The following FAT3 variants were observed in gnomAD, a reference collection of about 807,000 sequenced individuals.
The protein encoded by FAT3 is protocadherin Fat 3.
A neutral mutation model predicts 310.2 loss-of-function variants in FAT3; 95 were observed. The ratio of observed to expected loss-of-function variants is 0.31; its 90% CI spans 0.26 to 0.36. The LOEUF is 0.36. Ranked by LOEUF, FAT3 falls within the 10% of genes least tolerant of loss-of-function variation. The pLI is 1.00. For synonymous variants in FAT3, 2,314 were observed against 2,192.9 expected (o/e 1.06, Z -1.54); for missense variants, 5,408 against 5,715.6 (o/e 0.95, Z 1.74).
chr11:92,810,083 C>G lies in FAT3; in HGVS notation c.9481+7C>G. The G allele has an allele frequency of 6.2e-7, 1 of 1,611,706 alleles. No individual in the cohort carries two copies. The highest frequency in any genetic ancestry group is 1.3e-5 in the African/African-American group (1 of 75,012). On this transcript the variant is annotated splice_region_variant and intron_variant, in intron 13 of 27. Coordinates refer to ENST00000525166, the MANE Select transcript of FAT3 (RefSeq NM_001367949.2). ...GCCGTGGACCCCGACATTGGTAAGTCAGTTGCAGGCATCTCCCTGTCACAC... is the reference window on the plus strand; with the variant it reads ...GCCGTGGACCCCGACATTGGTAAGTGAGTTGCAGGCATCTCCCTGTCACAC...
rs796106709 is a variant in FAT3 at position 92,488,450 on chromosome 11, G to GCCCCCCCCCCCCCCCCCCCCCCCCCCC, written c.3293-36173_3293-36172insCCCCCCCCCCCCCCCCCCCCCCCCCCC. On this transcript the variant is annotated intron_variant, in intron 2 of 27. Transcript: ENST00000525166. ...TACACAGAAATAAATAACTAGCACC[G>GCCCCCCCCCCCCCCCCCCCCCCCCCCC]CCCCCCCCCCCGCCCCCCAACCAGC... is the stretch of plus-strand genomic sequence containing the variant. Among the ~76,000 whole-genome samples the GCCCCCCCCCCCCCCCCCCCCCCCCCCC allele has an allele frequency of 6.4e-4, 6 of 9,366 alleles. 1 individual carries two copies. Among genetic ancestry groups the GCCCCCCCCCCCCCCCCCCCCCCCCCCC allele is most frequent in the Non-Finnish European group, 1.3e-3 (4 of 3,138 alleles). The allele number at this position is 9,366 out of a possible 152,430, so 6.1% of individuals were successfully genotyped here.
intron 1 of FAT3, among the ~76,000 whole-genome samples, chr11:92,264,775 G>A (rs563440000): frequency 2.0e-5 from 3 of 152,186 alleles, no homozygotes; most frequent in South Asian, 2.1e-4. Flanking sequence ...CCCAGAACTC[G>A]GCTTGGCCGT....
chr11:92,479,231 G>A (rs938018020), intron 2 of FAT3, among the ~76,000 whole-genome samples: 36 of 147,640 alleles, frequency 2.4e-4, no homozygotes, highest in Admixed American at 5.5e-4. Context: ...GGCTGGTCTC[G>A]AACTCCTGGG....
chr11:92,449,427 C>T (rs1565325927), intron 2 of FAT3, among the ~76,000 whole-genome samples: 1 of 152,114 alleles, frequency 6.6e-6, no homozygotes, highest in East Asian at 1.9e-4. Flanking sequence ...CTATGAGTAG[C>T]TTAATCCCAA....
intron 3 of FAT3, among the ~76,000 whole-genome samples, chr11:92,609,897 A>G (rs1940482346): frequency 6.6e-6 from 1 of 152,260 alleles, no homozygotes; most frequent in East Asian, 1.9e-4. Flanking sequence ...GACTAAAACT[A>G]TTTTTTGTTA....
intron 2 of FAT3, among the ~76,000 whole-genome samples, chr11:92,480,541 C>A (rs1952193746): frequency 1.3e-5 from 2 of 152,140 alleles, no homozygotes; most frequent in African/African-American, 4.8e-5. Flanking sequence ...ACTTTGTGTT[C>A]CACTACCCTA....
At chr11:92,398,346 C>T (rs1206232705) in intron 2 of FAT3, among the ~76,000 whole-genome samples, 1 of 151,796 alleles carries the variant, frequency 6.6e-6, no homozygotes, top group East Asian at 1.9e-4. Context: ...ACTAAAAGTA[C>T]AAAAATTAGC....
chr11:92,254,704 A>G (rs1591012639), intron 1 of FAT3, among the ~76,000 whole-genome samples: 1 of 151,742 alleles, frequency 6.6e-6, no homozygotes, highest in Non-Finnish European at 1.5e-5. Context: ...TTTCATTGTT[A>G]TTATTATTAT....
At chr11:92,637,230 T>G (rs952850392) in intron 3 of FAT3, among the ~76,000 whole-genome samples, 1 of 152,178 alleles carries the variant, frequency 6.6e-6, no homozygotes, top group Non-Finnish European at 1.5e-5. Flanking sequence ...GGAAACCCAC[T>G]GCCCCATTGA....
At chr11:92,593,939 A>T (rs942659535) in intron 3 of FAT3, among the ~76,000 whole-genome samples, 1 of 152,158 alleles carries the variant, frequency 6.6e-6, no homozygotes, top group African/African-American at 2.4e-5. Context: ...CCAGAAACAC[A>T]GTATCTCTAC....
In FAT3 at chr11:92,832,000, A is replaced by G; in HGVS notation, c.9860A>G (p.Asn3287Ser). 1.3e-6 allele frequency: 2 copies of G among 1,544,226 alleles called. No homozygotes were observed. The highest frequency in any genetic ancestry group is 1.7e-6 in the Non-Finnish European group (2 of 1,145,168). Residue 3287 changes from asparagine (N) to serine (S), a missense_variant, in exon 14 of 28, where the codon AAC becomes AGC. Transcript: ENST00000525166. Reference sequence around the variant, plus strand: ...AACGAACAAGGGAAATTTAAGATCAACCCCAAGACAGGTGGGTAAATAGCA... The same window carrying G: ...AACGAACAAGGGAAATTTAAGATCAGCCCCAAGACAGGTGGGTAAATAGCA... The part of the protein sequence containing the change: ...SGNEQGKFKI[N>S]PKTGGISVSE...
At chr11:92,586,472 G>A (rs994067863) in intron 3 of FAT3, among the ~76,000 whole-genome samples, 3 of 151,986 alleles carry the variant, frequency 2.0e-5, no homozygotes, top group African/African-American at 7.2e-5. Flanking sequence ...AGGACCACTA[G>A]TCAAATTTTA....
intron 3 of FAT3, among the ~76,000 whole-genome samples, chr11:92,598,371 G>A (rs1003209068): frequency 6.6e-6 from 1 of 151,730 alleles, no homozygotes; most frequent in African/African-American, 2.4e-5. Context: ...GACTATAGGT[G>A]CATGCCACCA....
chr11:92,684,650 T>C (rs986703361), intron 3 of FAT3, among the ~76,000 whole-genome samples: 1 of 152,248 alleles, frequency 6.6e-6, no homozygotes, highest in South Asian at 2.1e-4. Flanking sequence ...ACAAATGATA[T>C]GTAGTTATAT....
At chr11:92,466,265 A>T (rs1363530825) in intron 2 of FAT3, among the ~76,000 whole-genome samples, 1 of 152,152 alleles carries the variant, frequency 6.6e-6, no homozygotes, top group African/African-American at 2.4e-5. Context: ...GTATTAGTTA[A>T]ATTGTAAATT....
chr11:92,472,595 CAT>C (rs1193598507), intron 2 of FAT3, among the ~76,000 whole-genome samples: 4 of 152,288 alleles, frequency 2.6e-5, no homozygotes, highest in South Asian at 2.1e-4. Context: ...CAAGTCGACA[CAT>C]GTTTTTGACT....
intron 3 of FAT3, among the ~76,000 whole-genome samples, chr11:92,670,574 T>C (rs1943096167): frequency 6.6e-6 from 1 of 152,222 alleles, no homozygotes. Context: ...CAGGTATCCT[T>C]TTGAGCCAGC....
chr11:92,438,302 G>T (rs1030289615), intron 2 of FAT3, among the ~76,000 whole-genome samples: 1 of 152,054 alleles, frequency 6.6e-6, no homozygotes, highest in Non-Finnish European at 1.5e-5. Flanking sequence ...AGAATAGTGT[G>T]ATCTTATTTA....
intron 2 of FAT3, among the ~76,000 whole-genome samples, chr11:92,468,120 G>C (rs929010460): frequency 6.6e-6 from 1 of 152,142 alleles, no homozygotes; most frequent in Non-Finnish European, 1.5e-5. Context: ...GGGCCAGGTC[G>C]GGTTTAATCA....
Sources: gnomAD v4.1 joint callset for allele counts (sites outside exome capture counted in the v4.1 genomes callset) on GRCh38, gnomAD v4.1.1 for gene constraint, MANE v1.5 for transcripts, NCBI Gene and HGNC (gene_info 2026-07-23, HGNC 2026-07-21) for gene names.